The following PTPRN2 variants were observed in gnomAD, a reference collection of about 807,000 sequenced individuals.
PTPRN2 encodes protein tyrosine phosphatase receptor type N2, also known as receptor-type tyrosine-protein phosphatase N2.
In PTPRN2, 74 loss-of-function variants were observed where a neutral mutation model predicts 118.8. The observed-to-expected ratio is 0.62, with a 90% CI of 0.52 to 0.76. The LOEUF is 0.76. Among genes scored for constraint, PTPRN2 ranks in the 30% least tolerant of loss-of-function variants. PTPRN2 has a pLI of 0.00. For synonymous variants in PTPRN2, 641 were observed against 608.0 expected (o/e 1.05, Z -0.80); for missense variants, 1,481 against 1,394.4 (o/e 1.06, Z -0.99).
At chr7:158,496,498 T>A (rs117719773) in intron 1 of PTPRN2, among the ~76,000 whole-genome samples, 2,501 of 5,276 alleles carry the variant, frequency 0.47, 775 homozygotes, top group South Asian at 0.84. Context: ...CCCCCTTCCC[T>A]GCGCCCCACC....
At chr7:157,559,187 GA>G (rs367676011) in intron 21 of PTPRN2, among the ~76,000 whole-genome samples, 1 of 152,312 alleles carries the variant, frequency 6.6e-6, no homozygotes, top group East Asian at 1.9e-4. Context: ...TCAACACTAC[GA>G]GGGAGCCCCA....
At chr7:158,059,599 A>C (rs1173936061) in intron 11 of PTPRN2, among the ~76,000 whole-genome samples, 1 of 102,656 alleles carries the variant, frequency 9.7e-6, no homozygotes, top group Non-Finnish European at 1.9e-5. Context: ...CTGCAGCCAC[A>C]CTCCATCTGC....
chr7:158,277,600 C>T (rs1799105748), intron 3 of PTPRN2, among the ~76,000 whole-genome samples: 1 of 152,222 alleles, frequency 6.6e-6, no homozygotes, highest in African/African-American at 2.4e-5. Flanking sequence ...CCCTTGAAGG[C>T]ACTGTCAGGG....
At chr7:158,311,624 C>G (rs951020351) in intron 3 of PTPRN2, among the ~76,000 whole-genome samples, 1 of 152,236 alleles carries the variant, frequency 6.6e-6, no homozygotes, top group Non-Finnish European at 1.5e-5. Flanking sequence ...TTACCCTCCT[C>G]TTCGTGCAGA....
chr7:157,606,204 A>G (rs1801992144), intron 15 of PTPRN2, among the ~76,000 whole-genome samples: 1 of 152,228 alleles, frequency 6.6e-6, no homozygotes, highest in Non-Finnish European at 1.5e-5. Context: ...CAAGATCAGC[A>G]TGGGTGCCAA....
At position 157,616,079 on chromosome 7, in the gene PTPRN2, G is replaced by A. The variant is rs562466473; in HGVS notation, c.2344+5283C>T. On this transcript the variant is annotated intron_variant, in intron 15 of 22. Transcript: ENST00000389418. ...CGGTGAGCCCGGCTGCTGCCACCCC[G>A]AAGGCCAGGCTCGCCCCACACTGTG... 7.6e-4 allele frequency: 133 copies of A among 174,698 alleles called. 2 individuals are homozygous for A. Among genetic ancestry groups the A allele is most frequent in the Admixed American group, 5.0e-3 (86 of 17,166 alleles). 10.8% of individuals were successfully genotyped at this position (174,698 alleles called of 1,614,324 possible). A position where few individuals can be genotyped will look rare whatever the true frequency, so the allele number is the denominator to read the frequency against.
intron 1 of PTPRN2, among the ~76,000 whole-genome samples, chr7:158,543,649 G>A (rs73510549): frequency 0.029 from 4,410 of 152,324 alleles, 223 homozygotes; most frequent in African/African-American, 0.099. Flanking sequence ...CCAAAACCAC[G>A]TTAAATTTAT....
chr7:158,230,765 T>C (rs1376514027), intron 3 of PTPRN2, among the ~76,000 whole-genome samples: 1 of 151,964 alleles, frequency 6.6e-6, no homozygotes, highest in Non-Finnish European at 1.5e-5. Context: ...GCAACAAGAA[T>C]GAGGAGTTAC....
chr7:157,843,543 G>C (rs2151188981), intron 12 of PTPRN2, among the ~76,000 whole-genome samples: 1 of 152,330 alleles, frequency 6.6e-6, no homozygotes, highest in African/African-American at 2.4e-5. Context: ...CCTCCTTCCA[G>C]ACCCAACTTC....
At chr7:157,825,352 G>A (rs181278242) in intron 12 of PTPRN2, among the ~76,000 whole-genome samples, 56 of 152,294 alleles carry the variant, frequency 3.7e-4, no homozygotes, top group East Asian at 1.4e-3. Context: ...GGCTGGAGCG[G>A]CAGGAGTAGA....
intron 2 of PTPRN2, among the ~76,000 whole-genome samples, chr7:158,417,711 T>TC (rs1814824265): frequency 1.2e-5 from 1 of 81,116 alleles, no homozygotes; most frequent in Non-Finnish European, 2.7e-5. Flanking sequence ...GCTCTAGCTC[T>TC]CAGTGTCCCA....
intron 2 of PTPRN2, among the ~76,000 whole-genome samples, chr7:158,331,354 CCA>C: frequency 6.9e-6 from 1 of 144,436 alleles, no homozygotes; most frequent in Non-Finnish European, 1.5e-5. Flanking sequence ...CATACTCTCA[CCA>C]TAAGAGCTGA....
At chr7:158,130,128 A>C (rs1440534257) in intron 9 of PTPRN2, among the ~76,000 whole-genome samples, 1 of 152,196 alleles carries the variant, frequency 6.6e-6, no homozygotes, top group Non-Finnish European at 1.5e-5. Flanking sequence ...ATTTCTGCCC[A>C]ATTATGATAT....
At chr7:158,583,568 A>T (rs1828747485) in intron 1 of PTPRN2, among the ~76,000 whole-genome samples, 2 of 152,160 alleles carry the variant, frequency 1.3e-5, no homozygotes, top group African/African-American at 4.8e-5. Flanking sequence ...CACACAGCTA[A>T]GCTCAGCACT....
intron 13 of PTPRN2, among the ~76,000 whole-genome samples, chr7:157,668,393 T>G (rs544162829): frequency 1.8e-4 from 27 of 152,300 alleles, no homozygotes; most frequent in African/African-American, 6.0e-4. Flanking sequence ...TCTGCACGCT[T>G]CCGGGAGCCA....
chr7:158,063,988 C>T (rs1810564132), intron 11 of PTPRN2, among the ~76,000 whole-genome samples: 1 of 152,196 alleles, frequency 6.6e-6, no homozygotes, highest in Non-Finnish European at 1.5e-5. Context: ...CAATCACTCA[C>T]ACACACAGTG....
At chr7:158,424,069 G>C (rs1445817286) in intron 2 of PTPRN2, among the ~76,000 whole-genome samples, 1 of 152,072 alleles carries the variant, frequency 6.6e-6, no homozygotes, top group African/African-American at 2.4e-5. Context: ...GTCGGATTCC[G>C]GAACCTGCTG....
rs560197767 is a variant in PTPRN2 at position 157,543,350 on chromosome 7, C to T, written c.2977-2565G>A. Among the ~76,000 whole-genome samples, 57 of 152,386 alleles carry T rather than the reference C, an allele frequency of 3.7e-4. 1 individual carries two copies. In the South Asian group the frequency reaches 0.012, roughly 32 times the overall value. On this transcript the variant is annotated intron_variant, in intron 22 of 22. Coordinates refer to ENST00000389418, the MANE Select transcript of PTPRN2 (RefSeq NM_002847.5). ...CCCACGGCTTCTTCCAGTAGAACTG[C>T]ACCCGGTGGAGAAGTGGCTGAGGTG... is the stretch of plus-strand genomic sequence containing the variant.
At chr7:158,336,427 G>C (rs62481662) in intron 2 of PTPRN2, among the ~76,000 whole-genome samples, 1 of 34,738 alleles carries the variant, frequency 2.9e-5, no homozygotes, top group Non-Finnish European at 6.1e-5. Context: ...GGTGACACCT[G>C]CAGACGTCAC....
Sources: allele counts gnomAD v4.1 joint callset (sites outside exome capture counted in the v4.1 genomes callset), GRCh38; gene constraint gnomAD v4.1.1; transcripts MANE v1.5; gene names NCBI Gene and HGNC (gene_info 2026-07-23, HGNC 2026-07-21).